Variants in FAM227B observed in about 807,000 individuals in gnomAD.
FAM227B encodes family with sequence similarity 227 member B.
In FAM227B, 88 loss-of-function variants were observed where a neutral mutation model predicts 73.8. That is an observed-to-expected ratio of 1.19 (90% CI 1.00 to 1.42). The LOEUF (loss-of-function observed/expected upper bound fraction) is 1.42. Ranked by LOEUF, FAM227B falls within the 40% of genes most tolerant of loss-of-function variation. The pLI, the probability that FAM227B is intolerant of heterozygous loss-of-function variation, is 0.00. For synonymous variants in FAM227B, 210 were observed against 190.5 expected (o/e 1.10, Z -0.84); for missense variants, 632 against 590.9 (o/e 1.07, Z -0.72).
chr15:49,532,995 T>C (rs944467911), intron 10 of FAM227B, among the ~76,000 whole-genome samples: 2 of 152,000 alleles, frequency 1.3e-5, no homozygotes, highest in Non-Finnish European at 2.9e-5. Flanking sequence ...TTAAAACAGT[T>C]TGTGGTGCAC....
chr15:49,470,722 T>C (rs1314333011), intron 11 of FAM227B, among the ~76,000 whole-genome samples: 3 of 152,258 alleles, frequency 2.0e-5, no homozygotes, highest in Non-Finnish European at 4.4e-5. Context: ...GGATCATTGC[T>C]GTTAAGTATA....
intron 1 of FAM227B, among the ~76,000 whole-genome samples, chr15:49,616,961 G>A (rs1447127497): frequency 6.6e-6 from 1 of 152,102 alleles, no homozygotes; most frequent in Non-Finnish European, 1.5e-5. Context: ...TCTTTGCAAA[G>A]AACCAGTTTT....
intron 1 of FAM227B, among the ~76,000 whole-genome samples, chr15:49,617,946 G>T (rs1489034760): frequency 6.6e-6 from 1 of 152,176 alleles, no homozygotes. Flanking sequence ...GCAGTCACCT[G>T]CTATCCTTTG....
intron 13 of FAM227B, among the ~76,000 whole-genome samples, chr15:49,359,943 C>T (rs536909871): frequency 2.0e-5 from 3 of 150,264 alleles, no homozygotes; most frequent in Non-Finnish European, 4.4e-5. Flanking sequence ...TTTGTATGGA[C>T]ATGGATGAAA....
In FAM227B at chr15:49,615,117, T is replaced by C; in HGVS notation, c.51+4A>G. The C allele has an allele frequency of 6.2e-7, 1 of 1,613,438 alleles. No individual in the cohort carries two copies. The highest frequency in any genetic ancestry group is 1.1e-5 in the South Asian group (1 of 91,070). On this transcript the variant is annotated splice_donor_region_variant and intron_variant, in intron 2 of 15. Transcript: ENST00000299338. ...TGAACATAAAGCTGTGGAAGCTTCC[T>C]TACCCCGGGGCCAGCTCTGCTGCTC...
chr15:49,470,252 G>GGGAACACTA (rs2054620981), intron 11 of FAM227B, among the ~76,000 whole-genome samples: 2 of 151,842 alleles, frequency 1.3e-5, no homozygotes, highest in Non-Finnish European at 1.5e-5. Flanking sequence ...CTTTAACACT[G>GGGAACACTA]GGAACACTGA....
intron 8 of FAM227B, among the ~76,000 whole-genome samples, chr15:49,571,319 T>C (rs944952201): frequency 6.6e-6 from 1 of 152,016 alleles, no homozygotes; most frequent in Non-Finnish European, 1.5e-5. Context: ...TTCAATCTAT[T>C]GACTGTTTGC....
intron 11 of FAM227B, among the ~76,000 whole-genome samples, chr15:49,498,431 A>G (rs1208968161): frequency 6.6e-6 from 1 of 152,220 alleles, no homozygotes; most frequent in African/African-American, 2.4e-5. Context: ...CACTTTATCA[A>G]GTACATATTT....
Position 49,611,233 on chromosome 15 carries a change from G to C in FAM227B, c.87C>G (p.Phe29Leu), listed in dbSNP as rs773607982. Residue 29 changes from phenylalanine to leucine, a missense_variant, in exon 3 of 16, where the codon TTC (phenylalanine) becomes TTG (leucine). Phe to Leu is a conservative substitution (Grantham distance 22). Transcript: ENST00000299338. Reference protein sequence around the residue: ...MQEPPKSIEEFLKFQNWDYWP... With the variant: ...MQEPPKSIEELLKFQNWDYWP... ...TACTCACCCAATTTTGAAACTTTAA[G>C]AATTCTTCAATGCTCTTTGGAGGTT... 6.3e-7 allele frequency: 1 copy of C among 1,590,960 alleles called. No homozygotes were observed. Among genetic ancestry groups the C allele is most frequent in the Non-Finnish European group, 8.6e-7 (1 of 1,162,622 alleles).
intron 11 of FAM227B, among the ~76,000 whole-genome samples, chr15:49,417,956 A>G (rs1380191125): frequency 6.6e-6 from 1 of 152,238 alleles, no homozygotes; most frequent in Non-Finnish European, 1.5e-5. Flanking sequence ...ATCTATAAGG[A>G]GCTTAAACAA....
intron 3 of FAM227B, among the ~76,000 whole-genome samples, chr15:49,600,982 C>T (rs1021928647): frequency 1.4e-5 from 2 of 145,440 alleles, no homozygotes; most frequent in Non-Finnish European, 3.0e-5. Context: ...GCAGAGGTTG[C>T]GGTGAGTGGA....
At chr15:49,538,370 A>C (rs948511892) in intron 10 of FAM227B, among the ~76,000 whole-genome samples, 1 of 152,126 alleles carries the variant, frequency 6.6e-6, no homozygotes, top group African/African-American at 2.4e-5. Flanking sequence ...TTGGCCGCAG[A>C]AGGCACAACT....
intron 11 of FAM227B, among the ~76,000 whole-genome samples, chr15:49,409,491 T>TTCTC (rs200876202): frequency 0.024 from 3,634 of 150,566 alleles, 115 homozygotes; most frequent in South Asian, 0.15. Flanking sequence ...TTACTGTTCC[T>TTCTC]TCTCTCTCTC....
chr15:49,520,450 C>T (rs2059700739), intron 10 of FAM227B, among the ~76,000 whole-genome samples: 1 of 152,160 alleles, frequency 6.6e-6, no homozygotes, highest in Non-Finnish European at 1.5e-5. Flanking sequence ...ACCCTGCTCT[C>T]CTGGTGCCAA....
chr15:49,375,865 A>C (rs2046126391), intron 11 of FAM227B, among the ~76,000 whole-genome samples: 1 of 152,094 alleles, frequency 6.6e-6, no homozygotes, highest in Non-Finnish European at 1.5e-5. Flanking sequence ...GAGAATAATA[A>C]AATTAGAAGG....
chr15:49,337,477 A>G (rs2039925458), intron 13 of FAM227B, among the ~76,000 whole-genome samples: 2 of 43,094 alleles, frequency 4.6e-5, no homozygotes, highest in South Asian at 1.5e-3. Flanking sequence ...TTTGTTGGAC[A>G]CTTGCAATGT....
intron 11 of FAM227B, among the ~76,000 whole-genome samples, chr15:49,436,696 T>C (rs1489233858): frequency 6.7e-6 from 1 of 149,688 alleles, no homozygotes; most frequent in African/African-American, 2.4e-5. Flanking sequence ...TAACTTGCTC[T>C]AGGTTACATA....
chr15:49,380,472 T>A (rs188879264), intron 11 of FAM227B, among the ~76,000 whole-genome samples: 134 of 152,248 alleles, frequency 8.8e-4, no homozygotes, highest in Admixed American at 5.1e-3. Flanking sequence ...AAAAAAAATA[T>A]ATTTAATAAA....
chr15:49,354,086 T>C (rs2151325030), intron 13 of FAM227B: 1 of 152,352 alleles, frequency 6.6e-6, no homozygotes, highest in South Asian at 2.1e-4. Flanking sequence ...TTCTCCCACA[T>C]CACAGATAAT....
Sources: allele counts gnomAD v4.1 joint callset (sites outside exome capture counted in the v4.1 genomes callset), GRCh38; gene constraint gnomAD v4.1.1; transcripts MANE v1.5; gene names NCBI Gene and HGNC (gene_info 2026-07-23, HGNC 2026-07-21).